FGF14: variants seen among roughly 807,000 people sequenced by gnomAD.
FGF14 encodes fibroblast growth factor homologous factor 4.
FGF14 carries 5 observed loss-of-function variants against 25.5 expected under a neutral mutation model. That is an observed-to-expected ratio of 0.20 (90% confidence interval 0.10 to 0.41). The LOEUF (loss-of-function observed/expected upper bound fraction) is 0.41, where lower values mean the gene tolerates loss of function less well. Among genes scored for constraint, FGF14 ranks in the 10% least tolerant of loss-of-function variants. The pLI, the probability that FGF14 is intolerant of heterozygous loss-of-function variation, is 1.00. For missense variants in FGF14, 222 were observed against 320.1 expected, an observed-to-expected ratio of 0.69 and a Z score of 2.34; for synonymous variants, 138 against 118.3, an observed-to-expected ratio of 1.17 and a Z score of -1.08.
intron 1 of FGF14, among the ~76,000 whole-genome samples, chr13:101,955,181 CTTTCA>C (rs2036437099): frequency 6.6e-6 from 1 of 152,220 alleles, no homozygotes; most frequent in Non-Finnish European, 1.5e-5. Context: ...AGCCTGAACA[CTTTCA>C]TTTTAGTTGT....
chr13:102,000,807 T>G (rs990179734), intron 1 of FGF14, among the ~76,000 whole-genome samples: 1 of 152,200 alleles, frequency 6.6e-6, no homozygotes. Context: ...ATGCTCCTTT[T>G]TGTACTCTTA....
At chr13:102,338,085 GTTTT>G (rs888417022) in intron 1 of FGF14, among the ~76,000 whole-genome samples, 1 of 148,722 alleles carries the variant, frequency 6.7e-6, no homozygotes, top group African/African-American at 2.5e-5. Context: ...ATTTTGTCTG[GTTTT>G]TTTTTTCTTG....
intron 3 of FGF14, among the ~76,000 whole-genome samples, chr13:101,769,177 T>C (rs984371461): frequency 6.6e-6 from 1 of 152,050 alleles, no homozygotes; most frequent in South Asian, 2.1e-4. Flanking sequence ...AAAGAAGATA[T>C]ACAGATGGCA....
chr13:102,164,728 C>G (rs552863160), intron 1 of FGF14, among the ~76,000 whole-genome samples: 1 of 152,144 alleles, frequency 6.6e-6, no homozygotes, highest in African/African-American at 2.4e-5. Flanking sequence ...AGTCACGGTT[C>G]AAGTGTTCAC....
rs1219745154 is a variant in FGF14, at chr13:101,762,703, G to GT, written c.409-35894dup. Among the ~76,000 whole-genome samples the GT allele has an allele frequency of 7.2e-5, 11 of 152,278 alleles. No homozygotes were observed. In the South Asian group the frequency reaches 1.9e-3, roughly 26 times the overall value. Reference sequence around the variant, plus strand: ...TAACCATAGTTCAATCAAAATAATTGTAAGTTTGCCATCTTTCTTTACACT... The same window carrying GT: ...TAACCATAGTTCAATCAAAATAATTGTTAAGTTTGCCATCTTTCTTTACACT... On this transcript the variant is annotated intron_variant, in intron 3 of 4. Transcript: ENST00000376143.
At chr13:101,963,433 C>A (rs928522929) in intron 1 of FGF14, among the ~76,000 whole-genome samples, 1 of 152,140 alleles carries the variant, frequency 6.6e-6, no homozygotes, top group East Asian at 1.9e-4. Context: ...CTAATTCTGA[C>A]ATTTGTGGGG....
chr13:101,814,289 T>C (rs1241251321), intron 3 of FGF14, among the ~76,000 whole-genome samples: 2 of 152,032 alleles, frequency 1.3e-5, no homozygotes, highest in Non-Finnish European at 2.9e-5. Flanking sequence ...CAAAGAACAC[T>C]GGAGCTGAAA....
At chr13:101,872,197 A>G (rs1424652614) in intron 2 of FGF14, among the ~76,000 whole-genome samples, 2 of 151,698 alleles carry the variant, frequency 1.3e-5, no homozygotes, top group African/African-American at 4.8e-5. Context: ...TTTTTTTAAA[A>G]TTATTTTTGC....
intron 1 of FGF14, among the ~76,000 whole-genome samples, chr13:102,143,043 T>C (rs509481): frequency 0.026 from 3,996 of 152,286 alleles, 177 homozygotes; most frequent in African/African-American, 0.091. Flanking sequence ...TGATGCCAAC[T>C]TGAGATTCCA....
chr13:101,742,072 A>G (rs1450300136), intron 3 of FGF14, among the ~76,000 whole-genome samples: 1 of 152,140 alleles, frequency 6.6e-6, no homozygotes, highest in Non-Finnish European at 1.5e-5. Flanking sequence ...CCAGTGTGTG[A>G]TGTTCCCCTC....
intron 3 of FGF14, among the ~76,000 whole-genome samples, chr13:101,784,291 T>C (rs993318677): frequency 6.6e-6 from 1 of 152,212 alleles, no homozygotes; most frequent in Non-Finnish European, 1.5e-5. Flanking sequence ...TATTATTCTT[T>C]AATATCCTCT....
At chr13:101,748,414 T>C (rs1328743777) in intron 3 of FGF14, among the ~76,000 whole-genome samples, 3 of 151,868 alleles carry the variant, frequency 2.0e-5, no homozygotes, top group East Asian at 1.9e-4. Context: ...TTCTCACTTA[T>C]AAGTGGGAGT....
In FGF14 at chr13:102,337,441, T is replaced by A. The variant is rs542801455; in HGVS notation, c.208+64030A>T. 3.3e-5 allele frequency among the ~76,000 whole-genome samples: 5 copies of A among 152,294 alleles called. No individual in the cohort carries two copies. In the South Asian group the frequency reaches 8.3e-4, roughly 25 times the overall value. Reference sequence around the variant, plus strand: ...CTTGAACAAATGAGAAAGCATTTCTTATGGATGAGCAAAGAAAGTGTTTTT... The same window carrying A: ...CTTGAACAAATGAGAAAGCATTTCTAATGGATGAGCAAAGAAAGTGTTTTT... On this transcript the variant is annotated intron_variant, in intron 1 of 4. Transcript: ENST00000376131.
intron 1 of FGF14, among the ~76,000 whole-genome samples, chr13:101,999,590 G>C (rs930149178): frequency 1.3e-5 from 2 of 152,148 alleles, no homozygotes; most frequent in African/African-American, 4.8e-5. Flanking sequence ...CAGGAGCTTT[G>C]ACCTGAATTC....
At chr13:102,250,300 G>C (rs764541229) in intron 1 of FGF14, among the ~76,000 whole-genome samples, 6 of 152,192 alleles carry the variant, frequency 3.9e-5, no homozygotes, top group Non-Finnish European at 1.5e-5. Context: ...CTTCCAATGT[G>C]AACCTCCTCT....
At chr13:101,753,509 A>C (rs1490114709) in intron 3 of FGF14, among the ~76,000 whole-genome samples, 1 of 152,176 alleles carries the variant, frequency 6.6e-6, no homozygotes, top group Non-Finnish European at 1.5e-5. Flanking sequence ...TTTTCTTATT[A>C]AAATTTCCTT....
chr13:102,317,845 C>A (rs1462302108), intron 1 of FGF14, among the ~76,000 whole-genome samples: 1 of 152,146 alleles, frequency 6.6e-6, no homozygotes, highest in Non-Finnish European at 1.5e-5. Flanking sequence ...CTGCAAAAGT[C>A]CAGTTTGACC....
chr13:101,836,349 A>G (rs2042927450), intron 3 of FGF14, among the ~76,000 whole-genome samples: 1 of 152,116 alleles, frequency 6.6e-6, no homozygotes, highest in African/African-American at 2.4e-5. Flanking sequence ...ATAACTAGAT[A>G]GGCCCAAATT....
chr13:101,911,298 G>T (rs1302387293), intron 1 of FGF14, among the ~76,000 whole-genome samples: 1 of 152,000 alleles, frequency 6.6e-6, no homozygotes, highest in Non-Finnish European at 1.5e-5. Flanking sequence ...GGTAACTTTG[G>T]GACAGAAGGT....
Sources: gnomAD v4.1 joint callset for allele counts (sites outside exome capture counted in the v4.1 genomes callset) on GRCh38, gnomAD v4.1.1 for gene constraint, MANE v1.5 for transcripts, NCBI Gene and HGNC (gene_info 2026-07-23, HGNC 2026-07-21) for gene names.